Variants in NOS1AP observed in about 807,000 individuals in gnomAD.
The protein encoded by NOS1AP is carboxyl-terminal PDZ ligand of neuronal nitric oxide synthase protein.
A neutral mutation model predicts 56.2 loss-of-function variants in NOS1AP; 21 were observed. The ratio of observed to expected loss-of-function variants is 0.37; its 90% CI spans 0.26 to 0.54. The LOEUF is 0.54. Among genes scored for constraint, NOS1AP ranks in the 20% least tolerant of loss-of-function variants. NOS1AP has a pLI of 0.84. For synonymous variants in NOS1AP, 270 were observed against 274.6 expected (o/e 0.98, Z 0.17); for missense variants, 522 against 657.8 (o/e 0.79, Z 2.26).
intron 2 of NOS1AP, among the ~76,000 whole-genome samples, chr1:162,278,194 C>T (rs1654805247): frequency 6.6e-6 from 1 of 152,164 alleles, no homozygotes; most frequent in African/African-American, 2.4e-5. Context: ...CTCAAGTGTG[C>T]CTGCCCATCT....
intron 5 of NOS1AP, 104 bp from the exon 6 acceptor site, chr1:162,343,731 A>G: frequency 1.5e-6 from 2 of 1,353,128 alleles, no homozygotes; most frequent in South Asian, 2.4e-5. Context: ...TATCTGAACA[A>G]CTTTAGATTT....
chr1:162,095,980 T>C (rs1692231795), intron 1 of NOS1AP, among the ~76,000 whole-genome samples: 1 of 152,244 alleles, frequency 6.6e-6, no homozygotes, highest in Admixed American at 6.5e-5. Flanking sequence ...TCCAGTCTCC[T>C]GTCTTCTAAT....
At chr1:162,353,621 C>T (rs921851655) in intron 6 of NOS1AP, among the ~76,000 whole-genome samples, 8 of 152,224 alleles carry the variant, frequency 5.3e-5, no homozygotes, top group African/African-American at 1.9e-4. Flanking sequence ...GAATGAGACA[C>T]AGCCTGGCCT....
intron 1 of NOS1AP, among the ~76,000 whole-genome samples, chr1:162,078,064 T>C (rs1391573156): frequency 1.3e-5 from 2 of 152,200 alleles, no homozygotes; most frequent in African/African-American, 2.4e-5. Flanking sequence ...GCCAGCCCCT[T>C]GCCCCTGCCC....
chr1:162,251,856 T>TG lies in NOS1AP; in HGVS notation c.178-35487dup, dbSNP rs1369123780. The stretch of plus-strand genomic sequence containing the variant: ...GCATGCACCACAACACCTAGCTAGT[T>TG]GTTTTTTTTTTTGTTTTTTTTTTTT... On this transcript the variant is annotated intron_variant, in intron 2 of 9. Transcript: ENST00000361897. Among the ~76,000 whole-genome samples, 9 of 80,582 alleles carry TG rather than the reference T, an allele frequency of 1.1e-4. No homozygotes were observed. In the East Asian group the frequency reaches 2.0e-3, roughly 18 times the overall value. 52.9% of individuals were successfully genotyped at this position (80,582 alleles called of 152,430 possible).
At position 162,346,172 on chromosome 1, in the gene NOS1AP, A is replaced by G. The variant is rs79040311; in HGVS notation, c.595+2196A>G. On this transcript the variant is annotated intron_variant, in intron 6 of 9. Transcript: ENST00000361897. ...CCTTTTGACCCCCAAATTTCCTTCA[A>G]ATTCCCTTCTAAGAATGAATCCTAA... Among the ~76,000 whole-genome samples the G allele has an allele frequency of 1.4e-3, 208 of 152,336 alleles. 4 individuals are homozygous for G. The East Asian group carries it at 0.034, about 25-fold the overall frequency.
At chr1:162,143,360 A>G (rs906385543) in intron 1 of NOS1AP, among the ~76,000 whole-genome samples, 3 of 152,200 alleles carry the variant, frequency 2.0e-5, no homozygotes, top group Admixed American at 6.5e-5. Context: ...CAAGGAGGCT[A>G]TTATGGTAAA....
chr1:162,330,410 T>C (rs1299754812), intron 4 of NOS1AP, among the ~76,000 whole-genome samples: 1 of 152,176 alleles, frequency 6.6e-6, no homozygotes, highest in Non-Finnish European at 1.5e-5. Context: ...GTGGCAACGT[T>C]GAGCCCCAGG....
intron 2 of NOS1AP, among the ~76,000 whole-genome samples, chr1:162,199,122 C>G (rs544130268): frequency 6.6e-6 from 1 of 152,204 alleles, no homozygotes; most frequent in South Asian, 2.1e-4. Flanking sequence ...CCTCCTGTTT[C>G]TCACCACAAA....
intron 2 of NOS1AP, among the ~76,000 whole-genome samples, chr1:162,200,998 A>C (rs775935056): frequency 6.6e-6 from 1 of 152,174 alleles, no homozygotes; most frequent in Non-Finnish European, 1.5e-5. Flanking sequence ...AGAGTATTTC[A>C]TCACCGACAT....
At chr1:162,077,603 AT>A (rs1211200797) in intron 1 of NOS1AP, among the ~76,000 whole-genome samples, 1 of 151,480 alleles carries the variant, frequency 6.6e-6, no homozygotes, top group African/African-American at 2.4e-5. Context: ...GTGAAGTCCA[AT>A]TTTTTTTCTT....
At position 162,342,685 on chromosome 1, in the gene NOS1AP, G is replaced by T. The variant is rs113630733; in HGVS notation, c.454-1150G>T. On this transcript the variant is annotated intron_variant, in intron 5 of 9. Transcript: ENST00000361897. Reference sequence around the variant, plus strand: ...AAACACTGGATATCAGTTAGGTAATGTAATACCAGCTACCTCATGCTGATG... The same window carrying T: ...AAACACTGGATATCAGTTAGGTAATTTAATACCAGCTACCTCATGCTGATG... The T allele has an allele frequency of 3.1e-4, 130 of 415,134 alleles. 1 individual carries two copies. Among genetic ancestry groups the T allele is most frequent in the African/African-American group, 2.4e-3 (114 of 48,218 alleles). The allele number at this position is 415,134 out of a possible 1,614,324, so 25.7% of individuals were successfully genotyped here.
intron 2 of NOS1AP, among the ~76,000 whole-genome samples, chr1:162,191,826 C>T (rs1205567575): frequency 1.3e-5 from 2 of 152,054 alleles, no homozygotes; most frequent in Non-Finnish European, 2.9e-5. Context: ...GAAATCACAC[C>T]ATTCATTTAG....
At chr1:162,366,658 A>G (rs1476355121) in intron 9 of NOS1AP, among the ~76,000 whole-genome samples, 2 of 152,128 alleles carry the variant, frequency 1.3e-5, no homozygotes, top group East Asian at 3.9e-4. Context: ...GATTTTCCAG[A>G]TTGTTCATTG....
intron 2 of NOS1AP, among the ~76,000 whole-genome samples, chr1:162,252,699 T>C (rs1463281155): frequency 1.3e-5 from 2 of 152,330 alleles, no homozygotes; most frequent in South Asian, 4.1e-4. Flanking sequence ...GTTTCACATA[T>C]GTGCATGGAC....
chr1:162,069,991 C>T lies in NOS1AP; in HGVS notation c.-187C>T, dbSNP rs1014552056. ...GCTCGCGTCGCCCGCATCAGCTCAG[C>T]CCGCTGCCGCTCGGCCCTCGGCACC... is the stretch of plus-strand genomic sequence containing the variant. On this transcript the variant is annotated 5_prime_UTR_variant, in exon 1 of 10. Transcript: ENST00000361897. 8.7e-6 allele frequency: 3 copies of T among 345,076 alleles called. No homozygotes were observed. The highest frequency in any genetic ancestry group is 1.0e-4 in the Admixed American group (2 of 19,590). The allele number at this position is 345,076 out of a possible 1,614,324, so 21.4% of individuals were successfully genotyped here.
intron 2 of NOS1AP, among the ~76,000 whole-genome samples, chr1:162,227,119 C>T (rs952739174): frequency 6.6e-6 from 1 of 152,190 alleles, no homozygotes; most frequent in African/African-American, 2.4e-5. Context: ...AAAAAATTAT[C>T]ACCCTTAATT....
chr1:162,312,978 T>C (rs1477276437), intron 4 of NOS1AP, among the ~76,000 whole-genome samples: 1 of 151,926 alleles, frequency 6.6e-6, no homozygotes, highest in Non-Finnish European at 1.5e-5. Flanking sequence ...ATGGGACGTA[T>C]TTCAAAATAA....
intron 3 of NOS1AP, among the ~76,000 whole-genome samples, chr1:162,290,940 A>G (rs1433959782): frequency 1.3e-5 from 2 of 152,026 alleles, no homozygotes; most frequent in East Asian, 1.9e-4. Flanking sequence ...ACTCTGTGCC[A>G]GCTCTGGAAC....
Sources: allele counts gnomAD v4.1 joint callset (sites outside exome capture counted in the v4.1 genomes callset), GRCh38; gene constraint gnomAD v4.1.1; transcripts MANE v1.5; gene names NCBI Gene and HGNC (gene_info 2026-07-23, HGNC 2026-07-21).